GNE: variants seen among roughly 807,000 people sequenced by gnomAD.
The protein encoded by GNE is glucosamine (UDP-N-acetyl)-2-epimerase/N-acetylmannosamine kinase, also known as bifunctional UDP-N-acetylglucosamine 2-epimerase/N-acetylmannosamine kinase.
Under a neutral mutation model 61.8 loss-of-function variants are expected in GNE, and 41 were observed. That is an observed-to-expected ratio of 0.66 (90% CI 0.52 to 0.86). The LOEUF is 0.86. Ranked by LOEUF, GNE falls within the 40% of genes least tolerant of loss-of-function variation. GNE has a pLI of 0.00. For synonymous variants in GNE, 264 were observed against 326.4 expected, an observed-to-expected ratio of 0.81 and a Z score of 2.06; for missense variants, 608 against 909.1, an observed-to-expected ratio of 0.67 and a Z score of 4.26.
chr9:36,261,341 G>T (rs1013311006), upstream of GNE, among the ~76,000 whole-genome samples: 1 of 151,936 alleles, frequency 6.6e-6, no homozygotes, highest in Non-Finnish European at 1.5e-5. Flanking sequence ...GGCGGATCAC[G>T]ACGTCAGGAG....
rs543486915 is a variant in GNE, at chr9:36,270,029, G to A, written c.51+6865C>T. 1.7e-3 allele frequency among the ~76,000 whole-genome samples: 252 copies of A among 152,230 alleles called. 1 individual carries two copies. Among genetic ancestry groups the A allele is most frequent in the African/African-American group, 5.6e-3 (231 of 41,550 alleles). On this transcript the variant is annotated intron_variant, in intron 1 of 11. Transcript: ENST00000396594. ...CAGCTTGTAGTGCAGTGGTATGGTT[G>A]TGGCTCACTGCAGCCTCAAAATCCT...
chr9:36,263,618 C>T (rs965797496), intron 1 of GNE, among the ~76,000 whole-genome samples: 2 of 152,170 alleles, frequency 1.3e-5, no homozygotes, highest in African/African-American at 2.4e-5. Flanking sequence ...ATCTCTATGG[C>T]ATTCTCCTGA....
chr9:36,237,008 A>G (rs1254791632), intron 3 of GNE, 24 bp from the exon 4 acceptor site: 1 of 1,580,088 alleles, frequency 6.3e-7, no homozygotes, highest in Non-Finnish European at 8.7e-7. Context: ...ATCAAACCAC[A>G]TTGCTTCATT....
chr9:36,258,633 T>A (rs114756676), upstream of GNE: 155 of 502,430 alleles, frequency 3.1e-4, 1 homozygote, highest in African/African-American at 3.1e-3. Flanking sequence ...GCGGACCATC[T>A]TCCATGGCCT....
intron 4 of GNE, among the ~76,000 whole-genome samples, chr9:36,235,062 T>A (rs1467224786): frequency 6.6e-6 from 1 of 152,160 alleles, no homozygotes; most frequent in Non-Finnish European, 1.5e-5. Flanking sequence ...AAATATTTGT[T>A]ATTCTGTAAT....
intron 11 of GNE, among the ~76,000 whole-genome samples, chr9:36,217,842 A>G (rs1828402103): frequency 6.6e-6 from 1 of 152,204 alleles, no homozygotes; most frequent in South Asian, 2.1e-4. Flanking sequence ...AAATGAATAG[A>G]AAGACTCGAA....
intron 6 of GNE, among the ~76,000 whole-genome samples, chr9:36,228,215 A>G (rs1200401515): frequency 2.0e-5 from 3 of 151,948 alleles, no homozygotes; most frequent in African/African-American, 7.2e-5. Flanking sequence ...TATATAAAAT[A>G]ATATCTAGAT....
At position 36,216,334 on chromosome 9, in the gene GNE, T is replaced by TGTGTGTGTGC. The variant is rs755257100; in HGVS notation, c.*1030_*1031insGCACACACAC. The TGTGTGTGTGC allele has an allele frequency of 2.4e-6, 1 of 414,970 alleles. No homozygotes were observed. Among genetic ancestry groups the TGTGTGTGTGC allele is most frequent in the East Asian group, 7.3e-5 (1 of 13,630 alleles). 25.7% of individuals were successfully genotyped at this position (414,970 alleles called of 1,614,324 possible). On this transcript the variant is annotated 3_prime_UTR_variant, in exon 12 of 12. Coordinates refer to ENST00000642385, the MANE Select transcript of GNE (RefSeq NM_005476.7). ...GGGGTTAGAGGAGGAAGGATGTGTG[T>TGTGTGTGTGC]GTGTGTGTGTGTGTGTGTGTAGACG...
chr9:36,257,352 C>T (rs1243333083), intron 1 of GNE, among the ~76,000 whole-genome samples: 3 of 152,158 alleles, frequency 2.0e-5, no homozygotes, highest in Middle Eastern at 3.2e-3. Context: ...GTCTGAAAGT[C>T]AGGGCCCCAT....
chr9:36,245,504 G>T (rs2133109540), intron 3 of GNE, among the ~76,000 whole-genome samples: 1 of 151,792 alleles, frequency 6.6e-6, no homozygotes, highest in South Asian at 2.1e-4. Flanking sequence ...GGCCAACGTG[G>T]TGAAATTAAA....
At chr9:36,264,567 G>T (rs374360069) in intron 1 of GNE, among the ~76,000 whole-genome samples, 2 of 152,168 alleles carry the variant, frequency 1.3e-5, no homozygotes, top group Non-Finnish European at 2.9e-5. Context: ...GCTGCCTGGA[G>T]AACTGTGTCA....
rs145004537 is a variant in GNE at position 36,221,039 on chromosome 9, G to A, written c.1634-1019C>T. ...GCATGAGCTAAAGTACATGAGCTTA[G>A]GCTGGGTGTGGTGGCTCACCCCTGT... On this transcript the variant is annotated intron_variant, in intron 9 of 11. Coordinates refer to ENST00000642385, the MANE Select transcript of GNE (RefSeq NM_005476.7). Among the ~76,000 whole-genome samples, 235 of 152,344 alleles carry A rather than the reference G, an allele frequency of 1.5e-3. 5 individuals carry two copies. Among genetic ancestry groups the A allele is most frequent in the Admixed American group, 0.013 (200 of 15,302 alleles).
Position 36,216,465 on chromosome 9 carries a change from A to G in GNE, c.*900T>C, listed in dbSNP as rs1056079211. ...ATTCTCCTGCCTCAGCCTCCCGAGTAGCTGGGACTACAGGCACATGCCACC... is the reference window on the plus strand; with the variant it reads ...ATTCTCCTGCCTCAGCCTCCCGAGTGGCTGGGACTACAGGCACATGCCACC... On this transcript the variant is annotated 3_prime_UTR_variant, in exon 12 of 12. Transcript: ENST00000642385. The G allele has an allele frequency of 3.6e-6, 1 of 278,110 alleles. No individual in the cohort carries two copies. The highest frequency in any genetic ancestry group is 2.3e-5 in the African/African-American group (1 of 44,132). The allele number at this position is 278,110 out of a possible 1,614,324, so 17.2% of individuals were successfully genotyped here. A position where few individuals can be genotyped will look rare whatever the true frequency, so the allele number is the denominator to read the frequency against.
At chr9:36,226,332 C>A (rs1170365325) in intron 7 of GNE, among the ~76,000 whole-genome samples, 1 of 141,534 alleles carries the variant, frequency 7.1e-6, no homozygotes, top group Non-Finnish European at 1.6e-5. Flanking sequence ...GCCACCATGC[C>A]CAGCTAATTT....
At chr9:36,249,931 A>G (rs925611534) in intron 1 of GNE, among the ~76,000 whole-genome samples, 2 of 151,810 alleles carry the variant, frequency 1.3e-5, no homozygotes, top group South Asian at 4.2e-4. Context: ...CTGTAACACC[A>G]CCCCATCCTC....
At chr9:36,229,732 TC>T (rs1371326660) in intron 5 of GNE, among the ~76,000 whole-genome samples, 1 of 151,996 alleles carries the variant, frequency 6.6e-6, no homozygotes, top group Non-Finnish European at 1.5e-5. Flanking sequence ...CATGGATAGG[TC>T]CCTGAGAAGG....
Position 36,222,957 on chromosome 9 carries a change from C to T in GNE, c.1453G>A (p.Val485Met), listed in dbSNP as rs1429946073. 1.2e-6 allele frequency: 2 copies of T among 1,613,994 alleles called. No individual in the cohort carries two copies. The highest frequency in any genetic ancestry group is 1.3e-5 in the African/African-American group (1 of 74,910). ...GGRVNPREGIVLHSTKLIQEW... is the reference protein window; with the variant it reads ...GGRVNPREGIMLHSTKLIQEW... ...TGGATCAGTTTGGTTGAATGCAGCACAATTCCTTCCCGAGGATTTACACGG... is the reference window on the plus strand; with the variant it reads ...TGGATCAGTTTGGTTGAATGCAGCATAATTCCTTCCCGAGGATTTACACGG... Residue 485 changes from valine (V) to methionine (M), a missense_variant, in exon 9 of 12, where the codon GTG (valine) becomes ATG (methionine). Coordinates refer to ENST00000642385, the MANE Select transcript of GNE (RefSeq NM_005476.7).
chr9:36,246,397 T>C lies in GNE; in HGVS notation c.250A>G (p.Met84Val). 1 of 1,613,916 alleles carries C rather than the reference T, an allele frequency of 6.2e-7. No individual in the cohort carries two copies. The highest frequency in any genetic ancestry group is 8.5e-7 in the Non-Finnish European group (1 of 1,179,808). ...AGGGCCAGGCCTACTGACTCCACCA[T>C]GGCTGCCTCATCTTCTCCCCTCACA... The part of the protein sequence containing the change: ...TIVRGEDEAA[M>V]VESVGLALVK... The change falls in exon 3 of 12, where the codon ATG becomes GTG. Residue 84 changes from methionine to valine, a missense_variant. Transcript: ENST00000642385.
In GNE at chr9:36,216,792, C is replaced by T. The variant is rs1032415165; in HGVS notation, c.*573G>A. 8 of 163,290 alleles carry T rather than the reference C, an allele frequency of 4.9e-5. No individual in the cohort carries two copies. Among genetic ancestry groups the T allele is most frequent in the Non-Finnish European group, 9.4e-5 (7 of 74,306 alleles). 10.1% of individuals were successfully genotyped at this position (163,290 alleles called of 1,614,324 possible). A position where few individuals can be genotyped will look rare whatever the true frequency, so the allele number is the denominator to read the frequency against. Reference sequence around the variant, plus strand: ...GTTCATGCCATTCTCCTGCCTCAGCCTCCCGAGTAGCTGGGACCCGCCACC... The same window carrying T: ...GTTCATGCCATTCTCCTGCCTCAGCTTCCCGAGTAGCTGGGACCCGCCACC... On this transcript the variant is annotated 3_prime_UTR_variant, in exon 12 of 12. Transcript: ENST00000642385.
Sources: gnomAD v4.1 joint callset for allele counts (sites outside exome capture counted in the v4.1 genomes callset) on GRCh38, gnomAD v4.1.1 for gene constraint, MANE v1.5 for transcripts, NCBI Gene and HGNC (gene_info 2026-07-23, HGNC 2026-07-21) for gene names.